GRM8: variants seen among roughly 807,000 people sequenced by gnomAD.
GRM8 encodes the protein glutamate metabotropic receptor 8.
Under a neutral mutation model 87.2 loss-of-function variants are expected in GRM8, and 47 were observed. The ratio of observed to expected loss-of-function variants is 0.54; its 90% CI spans 0.43 to 0.69. GRM8 has a LOEUF of 0.69. Among genes scored for constraint, GRM8 ranks in the 30% least tolerant of loss-of-function variants. The pLI is 0.00. For synonymous variants in GRM8, 396 were observed against 404.5 expected, an observed-to-expected ratio of 0.98 and a Z score of 0.25; for missense variants, 1,019 against 1,139.2, an observed-to-expected ratio of 0.89 and a Z score of 1.52.
In GRM8 at chr7:126,513,050, T is replaced by A. The variant is rs531073239; in HGVS notation, c.2430+19902A>T. Among the ~76,000 whole-genome samples, 5 of 152,268 alleles carry A rather than the reference T, an allele frequency of 3.3e-5. No individual in the cohort carries two copies. In the South Asian group the frequency reaches 1.0e-3, roughly 32 times the overall value. On this transcript the variant is annotated intron_variant, in intron 9 of 10. Coordinates refer to ENST00000339582, the MANE Select transcript of GRM8 (RefSeq NM_000845.3). Reference sequence around the variant, plus strand: ...GTCAACTATAAAAAGCCTAGAGTTTTCCTATCATTACCACTTTTCTGGATA... The same window carrying A: ...GTCAACTATAAAAAGCCTAGAGTTTACCTATCATTACCACTTTTCTGGATA...
At chr7:126,762,530 G>A (rs1233761262) in intron 7 of GRM8, among the ~76,000 whole-genome samples, 1 of 152,078 alleles carries the variant, frequency 6.6e-6, no homozygotes, top group Admixed American at 6.6e-5. Flanking sequence ...GGACAGAAGA[G>A]CTAAGTATGG....
In GRM8 at chr7:127,048,014, T is replaced by C. The variant is rs28951983; in HGVS notation, c.727+58482A>G. ...CTATTGAATGCTATTTGCAAGGCAC[T>C]GTTCTAGGTGTCTGAAATATAACAG... On this transcript the variant is annotated intron_variant, in intron 3 of 10. Transcript: ENST00000339582. Among the ~76,000 whole-genome samples, 143 of 152,346 alleles carry C rather than the reference T, an allele frequency of 9.4e-4. 1 individual carries two copies. The East Asian group carries it at 0.024, about 26-fold the overall frequency.
intron 3 of GRM8, among the ~76,000 whole-genome samples, chr7:127,068,851 C>G (rs1382441091): frequency 6.6e-6 from 1 of 152,102 alleles, no homozygotes; most frequent in East Asian, 1.9e-4. Flanking sequence ...TTGTGCTCTC[C>G]TGTTAGCTGA....
At chr7:126,743,242 A>G (rs1378806660) in intron 7 of GRM8, among the ~76,000 whole-genome samples, 1 of 152,172 alleles carries the variant, frequency 6.6e-6, no homozygotes, top group Non-Finnish European at 1.5e-5. Context: ...ACTGATTGGC[A>G]GTTTAAAAAG....
intron 6 of GRM8, among the ~76,000 whole-genome samples, chr7:126,828,076 T>G (rs2130340962): frequency 6.6e-6 from 1 of 152,274 alleles, no homozygotes; most frequent in African/African-American, 2.4e-5. Flanking sequence ...TTGATCATGG[T>G]GGATAAGCTT....
At chr7:126,466,537 A>G (rs1398513221) in intron 9 of GRM8, among the ~76,000 whole-genome samples, 1 of 151,884 alleles carries the variant, frequency 6.6e-6, no homozygotes, top group Non-Finnish European at 1.5e-5. Context: ...AGAGGCTGAG[A>G]ATTTCCATGA....
At chr7:127,048,750 G>A (rs1819181548) in intron 3 of GRM8, among the ~76,000 whole-genome samples, 1 of 152,146 alleles carries the variant, frequency 6.6e-6, no homozygotes, top group Admixed American at 6.5e-5. Context: ...TTCACCTTGT[G>A]AAAATGCTTC....
At chr7:126,644,995 C>A (rs1195094444) in intron 7 of GRM8, among the ~76,000 whole-genome samples, 1 of 152,218 alleles carries the variant, frequency 6.6e-6, no homozygotes, top group Non-Finnish European at 1.5e-5. Flanking sequence ...TTACTTCTGA[C>A]CTCTGAGGTG....
intron 6 of GRM8, among the ~76,000 whole-genome samples, chr7:126,843,543 A>T (rs1415243889): frequency 6.6e-6 from 1 of 152,252 alleles, no homozygotes; most frequent in Non-Finnish European, 1.5e-5. Flanking sequence ...ACAGCTGAAC[A>T]CCCACCAGCT....
At chr7:127,055,550 A>G (rs978171633) in intron 3 of GRM8, among the ~76,000 whole-genome samples, 2 of 152,196 alleles carry the variant, frequency 1.3e-5, no homozygotes, top group Non-Finnish European at 2.9e-5. Flanking sequence ...AAATAAATCC[A>G]TAATCTACAA....
chr7:126,897,152 G>C (rs1230690972), intron 6 of GRM8, among the ~76,000 whole-genome samples: 1 of 152,168 alleles, frequency 6.6e-6, no homozygotes, highest in Non-Finnish European at 1.5e-5. Context: ...ATTCGTGATG[G>C]AGACAGGAAG....
chr7:126,645,903 A>T (rs10954130), intron 7 of GRM8, among the ~76,000 whole-genome samples: 46,806 of 151,946 alleles, frequency 0.31, 8,072 homozygotes, highest in East Asian at 0.43. Flanking sequence ...CAGCTGATGA[A>T]CTTACCCTAT....
At chr7:127,130,809 G>A (rs780158165) in intron 2 of GRM8, among the ~76,000 whole-genome samples, 9 of 152,108 alleles carry the variant, frequency 5.9e-5, no homozygotes, top group Non-Finnish European at 1.0e-4. Context: ...TTATGATAGT[G>A]AGAGAGTTCT....
chr7:126,930,528 T>C (rs1201685438), intron 3 of GRM8, among the ~76,000 whole-genome samples: 3 of 152,138 alleles, frequency 2.0e-5, no homozygotes, highest in Non-Finnish European at 4.4e-5. Flanking sequence ...TCAGACAAGG[T>C]TCTAGACAAG....
At chr7:126,876,936 T>TA (rs1799569220) in intron 6 of GRM8, among the ~76,000 whole-genome samples, 1 of 121,190 alleles carries the variant, frequency 8.3e-6, no homozygotes, top group African/African-American at 2.7e-5. Flanking sequence ...TACAAACTCT[T>TA]TAAAAAAAAA....
rs200016710 is a variant in GRM8, at chr7:126,924,661, T to C, written c.728-19978A>G. ...TTCCTTCTGATTCTCTCTCTCTTTA[T>C]AGAAAAAGACACTAATCTTAGAAGC... On this transcript the variant is annotated intron_variant, in intron 3 of 10. Transcript: ENST00000339582. 7.2e-5 allele frequency among the ~76,000 whole-genome samples: 11 copies of C among 152,176 alleles called. No individual in the cohort carries two copies. The East Asian group carries it at 1.9e-3, about 27-fold the overall frequency.
intron 3 of GRM8, among the ~76,000 whole-genome samples, chr7:126,913,830 C>T (rs1316688942): frequency 6.6e-5 from 10 of 152,202 alleles, no homozygotes; most frequent in African/African-American, 2.2e-4. Context: ...GTAAGTTTAT[C>T]AGCTTAAAGT....
At chr7:126,907,072 G>GA (rs1424862900) in intron 3 of GRM8, among the ~76,000 whole-genome samples, 6 of 151,900 alleles carry the variant, frequency 3.9e-5, no homozygotes, top group African/African-American at 1.4e-4. Flanking sequence ...AAGAGAAAAA[G>GA]AATGGAGACG....
intron 3 of GRM8, among the ~76,000 whole-genome samples, chr7:127,066,982 A>T (rs1418423917): frequency 6.6e-6 from 1 of 152,222 alleles, no homozygotes; most frequent in Non-Finnish European, 1.5e-5. Context: ...TGGTTTGCCT[A>T]AAACTGCCTA....
Sources: gnomAD v4.1 joint callset for allele counts (sites outside exome capture counted in the v4.1 genomes callset) on GRCh38, gnomAD v4.1.1 for gene constraint, MANE v1.5 for transcripts, NCBI Gene and HGNC (gene_info 2026-07-23, HGNC 2026-07-21) for gene names.